GMDS: variants seen among roughly 807,000 people sequenced by gnomAD.
GMDS encodes the protein GDP-mannose 4,6 dehydratase.
GMDS carries 20 observed loss-of-function variants against 49.9 expected under a neutral mutation model. The ratio of observed to expected loss-of-function variants is 0.40; its 90% confidence interval spans 0.28 to 0.58. The LOEUF (loss-of-function observed/expected upper bound fraction) is 0.58. GMDS is among the 20% of genes least tolerant of loss of function. The pLI, the probability that GMDS is intolerant of heterozygous loss-of-function variation, is 0.42. For missense variants in GMDS, 362 were observed against 481.4 expected, an observed-to-expected ratio of 0.75 and a Z score of 2.32; for synonymous variants, 177 against 178.6, an observed-to-expected ratio of 0.99 and a Z score of 0.07.
chr6:1,793,330 A>T (rs1387045990), intron 7 of GMDS, among the ~76,000 whole-genome samples: 1 of 152,238 alleles, frequency 6.6e-6, no homozygotes, highest in African/African-American at 2.4e-5. Context: ...GATAGAGGTT[A>T]ACATGAGCTT....
chr6:1,781,112 C>T (rs1769064463), intron 7 of GMDS, among the ~76,000 whole-genome samples: 1 of 152,102 alleles, frequency 6.6e-6, no homozygotes, highest in Non-Finnish European at 1.5e-5. Flanking sequence ...ACCGAGAAGG[C>T]ACATGACAGC....
chr6:1,636,104 A>G (rs1301155446), intron 9 of GMDS, among the ~76,000 whole-genome samples: 41 of 152,200 alleles, frequency 2.7e-4, no homozygotes, highest in Admixed American at 2.7e-3. Flanking sequence ...GCCACGAGGA[A>G]TCTGTTCCAG....
At chr6:2,062,804 A>G (rs1304664062) in intron 4 of GMDS, among the ~76,000 whole-genome samples, 1 of 152,252 alleles carries the variant, frequency 6.6e-6, no homozygotes, top group Non-Finnish European at 1.5e-5. Flanking sequence ...CAACAAAAAG[A>G]CTGGAGTTTT....
At chr6:1,637,959 T>G (rs1763215544) in intron 9 of GMDS, among the ~76,000 whole-genome samples, 1 of 152,184 alleles carries the variant, frequency 6.6e-6, no homozygotes, top group South Asian at 2.1e-4. Flanking sequence ...TACTAGCCCA[T>G]TAACCTAGAC....
At chr6:2,036,585 T>C (rs2127422642) in intron 4 of GMDS, among the ~76,000 whole-genome samples, 1 of 152,350 alleles carries the variant, frequency 6.6e-6, no homozygotes, top group South Asian at 2.1e-4. Context: ...CATACTTGTG[T>C]GTCCCAAATA....
At chr6:2,142,944 C>A (rs1776377342) in intron 1 of GMDS, among the ~76,000 whole-genome samples, 1 of 152,150 alleles carries the variant, frequency 6.6e-6, no homozygotes, top group African/African-American at 2.4e-5. Context: ...CTGTCCCTCA[C>A]ACACTCATTC....
At chr6:2,165,961 A>G (rs1777649533) in intron 1 of GMDS, among the ~76,000 whole-genome samples, 1 of 152,230 alleles carries the variant, frequency 6.6e-6, no homozygotes, top group Non-Finnish European at 1.5e-5. Flanking sequence ...AAAAAGAATC[A>G]AGGCAAATAT....
At chr6:1,846,089 T>TTC in intron 7 of GMDS, among the ~76,000 whole-genome samples, 1 of 150,620 alleles carries the variant, frequency 6.6e-6, no homozygotes, top group African/African-American at 2.4e-5. Context: ...TCTTTTTTTT[T>TTC]TTTTTTTTTT....
chr6:1,710,464 C>G (rs1303813017), intron 9 of GMDS, among the ~76,000 whole-genome samples: 1 of 152,212 alleles, frequency 6.6e-6, no homozygotes, highest in Non-Finnish European at 1.5e-5. Flanking sequence ...GTGGTATAAC[C>G]AGGCTGTGGT....
chr6:1,671,823 C>G (rs1229326933), intron 9 of GMDS, among the ~76,000 whole-genome samples: 2 of 152,016 alleles, frequency 1.3e-5, no homozygotes, highest in African/African-American at 2.4e-5. Context: ...CGCCACCACA[C>G]CCGGCTAATT....
intron 1 of GMDS, among the ~76,000 whole-genome samples, chr6:2,128,210 T>C (rs1220256840): frequency 1.3e-5 from 2 of 151,880 alleles, no homozygotes; most frequent in African/African-American, 4.8e-5. Context: ...ATTTCACTCT[T>C]GTTGCCCAGG....
intron 9 of GMDS, among the ~76,000 whole-genome samples, chr6:1,660,501 G>A (rs1010056113): frequency 6.6e-6 from 1 of 151,942 alleles, no homozygotes; most frequent in Non-Finnish European, 1.5e-5. Flanking sequence ...GAGTTTCTGC[G>A]GAGAGGCCGG....
chr6:1,849,412 G>A (rs1757555182), intron 7 of GMDS, among the ~76,000 whole-genome samples: 1 of 152,148 alleles, frequency 6.6e-6, no homozygotes, highest in Non-Finnish European at 1.5e-5. Context: ...ATGAACACAG[G>A]GGAGTAGGAA....
chr6:1,778,408 G>A lies in GMDS; in HGVS notation c.772-35822C>T, dbSNP rs146814086. Among the ~76,000 whole-genome samples, 529 of 152,330 alleles carry A rather than the reference G, an allele frequency of 3.5e-3. 1 individual carries two copies. Among genetic ancestry groups the A allele is most frequent in the Non-Finnish European group, 6.4e-3 (432 of 68,018 alleles). ...AATGAGCTGATGTTAAAGGTTCAGTGGAGACAGCAGACGAGTGGAACGGCG... is the reference window on the plus strand; with the variant it reads ...AATGAGCTGATGTTAAAGGTTCAGTAGAGACAGCAGACGAGTGGAACGGCG... On this transcript the variant is annotated intron_variant, in intron 7 of 10. Coordinates refer to ENST00000380815, the MANE Select transcript of GMDS (RefSeq NM_001500.4). The surrounding 1 kb of genome is among the most constrained non-coding windows in gnomAD (Gnocchi z 4.6).
intron 9 of GMDS, among the ~76,000 whole-genome samples, chr6:1,712,207 TTTTC>T: frequency 6.6e-6 from 1 of 152,358 alleles, no homozygotes; most frequent in Non-Finnish European, 1.5e-5. Context: ...TGAGGAATTC[TTTTC>T]TTTGATAGTA....
At chr6:2,240,645 T>C (rs1378156395) in intron 1 of GMDS, among the ~76,000 whole-genome samples, 2 of 150,620 alleles carry the variant, frequency 1.3e-5, no homozygotes, top group Admixed American at 1.3e-4. Context: ...AACCACCTCA[T>C]AGAAGCTCTC....
intron 4 of GMDS, among the ~76,000 whole-genome samples, chr6:2,101,649 T>A (rs1023665928): frequency 6.6e-6 from 1 of 152,094 alleles, no homozygotes; most frequent in Non-Finnish European, 1.5e-5. Flanking sequence ...ACTTATGTGT[T>A]TATCTAAAAT....
At chr6:2,003,195 C>A (rs1766941245) in intron 4 of GMDS, among the ~76,000 whole-genome samples, 2 of 152,096 alleles carry the variant, frequency 1.3e-5, no homozygotes, top group South Asian at 4.1e-4. Context: ...ACAGAGAAAA[C>A]CTTGACGACA....
At chr6:1,911,336 T>C (rs1761042121) in intron 7 of GMDS, among the ~76,000 whole-genome samples, 1 of 152,142 alleles carries the variant, frequency 6.6e-6, no homozygotes, top group Non-Finnish European at 1.5e-5. Flanking sequence ...AACTGAAAAG[T>C]AATTCTTCTC....
Sources: allele counts gnomAD v4.1 joint callset (sites outside exome capture counted in the v4.1 genomes callset), GRCh38; gene constraint gnomAD v4.1.1; non-coding constraint Gnocchi (gnomAD v3.1); transcripts MANE v1.5; gene names NCBI Gene and HGNC (gene_info 2026-07-23, HGNC 2026-07-21).